ITGA1: variants seen among roughly 807,000 people sequenced by gnomAD.
ITGA1 encodes integrin subunit alpha 1.
ITGA1 carries 85 observed loss-of-function variants against 145.9 expected under a neutral mutation model. The ratio of observed to expected loss-of-function variants is 0.58; its 90% CI spans 0.49 to 0.70. The LOEUF (loss-of-function observed/expected upper bound fraction) is 0.70, where lower values mean the gene tolerates loss of function less well. Ranked by LOEUF, ITGA1 falls within the 30% of genes least tolerant of loss-of-function variation. The pLI is 0.00. For synonymous variants in ITGA1, 520 were observed against 495.3 expected, an observed-to-expected ratio of 1.05 and a Z score of -0.66; for missense variants, 1,351 against 1,418.7, an observed-to-expected ratio of 0.95 and a Z score of 0.77.
intron 28 of ITGA1, among the ~76,000 whole-genome samples, chr5:52,949,751 C>T (rs2111913730): frequency 6.6e-6 from 1 of 152,272 alleles, no homozygotes; most frequent in East Asian, 1.9e-4. Context: ...TCCATTATAT[C>T]AAGAAGGCTA....
chr5:52,902,119 G>T (rs982990198), intron 11 of ITGA1: 2 of 152,130 alleles, frequency 1.3e-5, no homozygotes, highest in African/African-American at 4.8e-5. Context: ...ATTGCAAGTT[G>T]TAAGGCTATG....
chr5:52,883,484 G>T (rs1459994952), intron 7 of ITGA1, among the ~76,000 whole-genome samples: 1 of 152,158 alleles, frequency 6.6e-6, no homozygotes, highest in Admixed American at 6.5e-5. Context: ...ATAGTACCAA[G>T]TATTTTTCTC....
chr5:52,800,547 C>T, intron 1 of ITGA1: 1 of 1,613,928 alleles, frequency 6.2e-7, no homozygotes, highest in Non-Finnish European at 8.5e-7. Context: ...AGACAGAGTC[C>T]TCCACGGGCA....
At chr5:52,876,527 TCTTC>T (rs1749870057) in intron 6 of ITGA1, among the ~76,000 whole-genome samples, 1 of 152,158 alleles carries the variant, frequency 6.6e-6, no homozygotes, top group Non-Finnish European at 1.5e-5. Flanking sequence ...CACTGCTCCC[TCTTC>T]ACATTTCCCA....
At chr5:52,858,479 T>A (rs1304644735) in intron 2 of ITGA1, among the ~76,000 whole-genome samples, 1 of 152,218 alleles carries the variant, frequency 6.6e-6, no homozygotes, top group Non-Finnish European at 1.5e-5. Context: ...AACTAAAAAT[T>A]GTGTTTTATT....
intron 26 of ITGA1, among the ~76,000 whole-genome samples, chr5:52,940,826 G>A (rs1209576098): frequency 6.6e-6 from 1 of 152,010 alleles, no homozygotes; most frequent in East Asian, 1.9e-4. Flanking sequence ...TAGATACAGG[G>A]AGTATACATG....
intron 1 of ITGA1, among the ~76,000 whole-genome samples, chr5:52,822,212 A>G (rs1290725839): frequency 2.6e-5 from 4 of 152,230 alleles, no homozygotes; most frequent in African/African-American, 7.2e-5. Context: ...AAGGATCATT[A>G]TTAACATTTC....
intron 1 of ITGA1, among the ~76,000 whole-genome samples, chr5:52,844,209 A>C (rs1461393691): frequency 6.6e-6 from 1 of 152,114 alleles, no homozygotes; most frequent in Admixed American, 6.6e-5. Context: ...TGGACCTATA[A>C]GTTCTAGCTG....
At chr5:52,843,559 A>G (rs1007990313) in intron 1 of ITGA1, among the ~76,000 whole-genome samples, 1 of 152,210 alleles carries the variant, frequency 6.6e-6, no homozygotes, top group Non-Finnish European at 1.5e-5. Context: ...GGATGCGTAC[A>G]AGAGGGTGGC....
chr5:52,828,737 A>G (rs531631501), intron 1 of ITGA1, among the ~76,000 whole-genome samples: 38 of 152,286 alleles, frequency 2.5e-4, no homozygotes, highest in African/African-American at 7.9e-4. Flanking sequence ...GCTTAAAACA[A>G]TATATTGTCT....
intron 1 of ITGA1, among the ~76,000 whole-genome samples, chr5:52,832,781 G>GTA (rs1554042244): frequency 3.5e-5 from 5 of 142,544 alleles, no homozygotes; most frequent in African/African-American, 8.0e-5. Context: ...GTGTGTGTGT[G>GTA]TGTGTGTGTG....
intron 8 of ITGA1, among the ~76,000 whole-genome samples, chr5:52,890,910 C>A (rs1470157568): frequency 6.6e-6 from 1 of 152,174 alleles, no homozygotes; most frequent in Non-Finnish European, 1.5e-5. Context: ...TTGATAACCA[C>A]CATTCTATTC....
chr5:52,847,801 C>T (rs1749362262), intron 1 of ITGA1, among the ~76,000 whole-genome samples: 1 of 152,130 alleles, frequency 6.6e-6, no homozygotes, highest in South Asian at 2.1e-4. Flanking sequence ...GTGATCCACC[C>T]ACCTCTCAAA....
Position 52,958,366 on chromosome 5 carries a change from A to G in ITGA1, c.*5915A>G, listed in dbSNP as rs1751332850. On this transcript the variant is annotated 3_prime_UTR_variant, in exon 29 of 29. Coordinates refer to ENST00000282588, the MANE Select transcript of ITGA1 (RefSeq NM_181501.2). ...CACAATACTAACACATGTACTTTGC[A>G]TAAGTAAATTGTTGATTAAATAAGA... 1 of 152,242 alleles carries G rather than the reference A, an allele frequency of 6.6e-6. No homozygotes were observed. The highest frequency in any genetic ancestry group is 1.5e-5 in the Non-Finnish European group (1 of 68,046). 9.4% of individuals were successfully genotyped at this position (152,242 alleles called of 1,614,324 possible).
intron 28 of ITGA1, among the ~76,000 whole-genome samples, chr5:52,949,848 T>G (rs561029392): frequency 6.6e-6 from 1 of 152,276 alleles, no homozygotes; most frequent in Admixed American, 6.5e-5. Flanking sequence ...GCTACTCTTA[T>G]CCCAGACATC....
At chr5:52,927,437 C>T (rs1026874855) in intron 19 of ITGA1, 147 bp from the exon 20 acceptor site, 6 of 582,572 alleles carry the variant, frequency 1.0e-5, no homozygotes, top group Non-Finnish European at 1.5e-5. Context: ...AACAGCTGGT[C>T]CCAGAATTCT....
At chr5:52,876,542 G>A (rs1339223862) in intron 6 of ITGA1, among the ~76,000 whole-genome samples, 1 of 151,816 alleles carries the variant, frequency 6.6e-6, no homozygotes, top group African/African-American at 2.4e-5. Context: ...ACATTTCCCA[G>A]ACTTCGTTGT....
rs758015394 is a variant in ITGA1, at chr5:52,897,466, C to A, written c.1102C>A (p.Gln368Lys). Residue 368 changes from glutamine (Q) to lysine (K), a missense_variant, in exon 10 of 29, where the codon CAG (glutamine) becomes AAG (lysine). Transcript: ENST00000282588. The stretch of plus-strand genomic sequence containing the variant: ...TTCCTATGTTATAGCCACAGCTGAC[C>A]AGTCAGCAGCTTCATTTGAAATGGA... ...RIFALEATAD[Q>K]SAASFEMEMS... 3.7e-6 allele frequency: 6 copies of A among 1,610,116 alleles called. No individual in the cohort carries two copies. The South Asian group carries it at 5.5e-5, about 15-fold the overall frequency.
intron 6 of ITGA1, among the ~76,000 whole-genome samples, chr5:52,870,068 T>C (rs1213088984): frequency 6.6e-6 from 1 of 152,234 alleles, no homozygotes; most frequent in Non-Finnish European, 1.5e-5. Flanking sequence ...AAAGAAAATA[T>C]GTGCTGAAAA....
Sources: allele counts gnomAD v4.1 joint callset (sites outside exome capture counted in the v4.1 genomes callset), GRCh38; gene constraint gnomAD v4.1.1; transcripts MANE v1.5; gene names NCBI Gene and HGNC (gene_info 2026-07-23, HGNC 2026-07-21).